Variants in SOBP observed in about 807,000 individuals in gnomAD.
SOBP encodes the protein sine oculis binding protein homolog.
Under a neutral mutation model 53.6 loss-of-function variants are expected in SOBP, and 4 were observed. The observed-to-expected ratio is 0.07, with a 90% CI of 0.04 to 0.17. The LOEUF (loss-of-function observed/expected upper bound fraction) is 0.17, where lower values mean the gene tolerates loss of function less well. SOBP is among the 10% of genes least tolerant of loss of function. The probability of loss-of-function intolerance (pLI) is 1.00; values close to 1 mark genes in which losing one functional copy is unlikely to be tolerated. For missense variants in SOBP, 1,088 were observed against 1,204.7 expected (o/e 0.90, Z 1.43); for synonymous variants, 584 against 522.6 (o/e 1.12, Z -1.60).
At chr6:107,553,083 A>G (rs904994088) in intron 4 of SOBP, among the ~76,000 whole-genome samples, 8 of 152,248 alleles carry the variant, frequency 5.3e-5, no homozygotes, top group African/African-American at 1.9e-4. Flanking sequence ...CCTGTTCCCC[A>G]AAAACCTATT....
At chr6:107,651,171 G>A (rs1345566175) in intron 6 of SOBP, among the ~76,000 whole-genome samples, 1 of 152,170 alleles carries the variant, frequency 6.6e-6, no homozygotes, top group Non-Finnish European at 1.5e-5. Flanking sequence ...GGAGGCTGAG[G>A]TGGGAGGATC....
At chr6:107,623,739 A>G (rs969831946) in intron 5 of SOBP, among the ~76,000 whole-genome samples, 1 of 152,214 alleles carries the variant, frequency 6.6e-6, no homozygotes, top group African/African-American at 2.4e-5. Context: ...GCTTACCCTC[A>G]AAAGACCTTG....
chr6:107,539,912 G>A (rs1427799412), intron 4 of SOBP, among the ~76,000 whole-genome samples: 1 of 152,162 alleles, frequency 6.6e-6, no homozygotes, highest in African/African-American at 2.4e-5. Flanking sequence ...CTTTGTGCCT[G>A]ACTTAAAAAG....
intron 4 of SOBP, among the ~76,000 whole-genome samples, chr6:107,558,461 G>A (rs1456232158): frequency 6.6e-6 from 1 of 151,888 alleles, no homozygotes; most frequent in Non-Finnish European, 1.5e-5. Flanking sequence ...TAGAGACGGG[G>A]GTTTCACCAT....
At chr6:107,542,949 A>C (rs1454282755) in intron 4 of SOBP, among the ~76,000 whole-genome samples, 1 of 152,154 alleles carries the variant, frequency 6.6e-6, no homozygotes, top group African/African-American at 2.4e-5. Context: ...AGAGACCTAC[A>C]GCATCCACGG....
chr6:107,507,424 G>A (rs1319904637), intron 3 of SOBP, among the ~76,000 whole-genome samples: 1 of 152,012 alleles, frequency 6.6e-6, no homozygotes, highest in African/African-American at 2.4e-5. Context: ...TCCTTCCTCA[G>A]CCTCTTGAGT....
chr6:107,591,336 T>A (rs1283370600), intron 5 of SOBP, among the ~76,000 whole-genome samples: 2 of 152,248 alleles, frequency 1.3e-5, no homozygotes, highest in Non-Finnish European at 2.9e-5. Context: ...GTTATTATCA[T>A]CTTCTTATAG....
intron 3 of SOBP, among the ~76,000 whole-genome samples, chr6:107,517,469 C>T (rs1237975313): frequency 6.6e-6 from 1 of 151,932 alleles, no homozygotes; most frequent in African/African-American, 2.4e-5. Flanking sequence ...GGCACTAATC[C>T]CACTGGACAA....
chr6:107,574,251 T>C (rs939829939), intron 4 of SOBP, among the ~76,000 whole-genome samples: 2 of 152,226 alleles, frequency 1.3e-5, no homozygotes, highest in African/African-American at 4.8e-5. Context: ...AAACATTGCC[T>C]GTTTTTATTA....
At chr6:107,579,652 C>T (rs1785342868) in intron 4 of SOBP, among the ~76,000 whole-genome samples, 1 of 152,206 alleles carries the variant, frequency 6.6e-6, no homozygotes, top group Admixed American at 6.5e-5. Context: ...GCCCCATAGC[C>T]TCACATGCGT....
rs1770846488 is a variant in SOBP at position 107,634,054 on chromosome 6, A to G, written c.1210A>G (p.Met404Val). ...GCCCATCTTCATGGAGCAGCAGATC[A>G]TGCAGCAGATCCGCCCGCCCTTCAT... ...PLPIFMEQQI[M>V]QQIRPPFIRG... Residue 404 changes from methionine to valine, a missense_variant, in exon 6 of 7, where the codon ATG becomes GTG. Met to Val is a conservative substitution (Grantham distance 21). Transcript: ENST00000317357. The surrounding 1 kb of genome is among the most constrained non-coding windows in gnomAD (Gnocchi z 4.5). 5.6e-6 allele frequency: 9 copies of G among 1,605,738 alleles called. No individual in the cohort carries two copies. The highest frequency in any genetic ancestry group is 3.4e-5 in the Admixed American group (2 of 59,654).
intron 6 of SOBP, among the ~76,000 whole-genome samples, chr6:107,638,244 T>A (rs1057283796): frequency 6.6e-6 from 1 of 152,194 alleles, no homozygotes; most frequent in Non-Finnish European, 1.5e-5. Context: ...AGAGTCTCAA[T>A]CTGTCACCCA....
intron 1 of SOBP, among the ~76,000 whole-genome samples, chr6:107,499,850 T>G (rs1327787715): frequency 6.6e-6 from 1 of 152,232 alleles, no homozygotes; most frequent in East Asian, 1.9e-4. Flanking sequence ...GTTTTATTAC[T>G]GAACATCCTT....
At chr6:107,496,994 A>G (rs1782718305) in intron 1 of SOBP, among the ~76,000 whole-genome samples, 1 of 152,198 alleles carries the variant, frequency 6.6e-6, no homozygotes, top group Non-Finnish European at 1.5e-5. Context: ...TAGAGCTAGA[A>G]ACTGACTTCT....
At chr6:107,506,526 G>A in intron 3 of SOBP, 99 bp downstream of exon 3, 1 of 1,306,610 alleles carries the variant, frequency 7.7e-7, no homozygotes, top group East Asian at 2.3e-5. Context: ...CTTTGGTAGA[G>A]GCTGTTTTAG....
chr6:107,585,347 A>G (rs1336186055), intron 4 of SOBP, among the ~76,000 whole-genome samples: 2 of 152,164 alleles, frequency 1.3e-5, no homozygotes. Flanking sequence ...GCATCTTCCT[A>G]CTTTCTTACA....
At chr6:107,622,894 C>G (rs1221581397) in intron 5 of SOBP, among the ~76,000 whole-genome samples, 2 of 152,122 alleles carry the variant, frequency 1.3e-5, no homozygotes, top group Non-Finnish European at 2.9e-5. Context: ...ATCTTGTTAT[C>G]TACTAAAAAT....
At chr6:107,559,072 T>A (rs550160224) in intron 4 of SOBP, among the ~76,000 whole-genome samples, 1 of 152,272 alleles carries the variant, frequency 6.6e-6, no homozygotes, top group Admixed American at 6.5e-5. Flanking sequence ...TCTTGATAAG[T>A]ATTTGCTGAA....
At chr6:107,491,808 C>T (rs1330475391) in intron 1 of SOBP, among the ~76,000 whole-genome samples, 1 of 152,172 alleles carries the variant, frequency 6.6e-6, no homozygotes, top group Non-Finnish European at 1.5e-5. Flanking sequence ...AGTTTTGGTT[C>T]AGTTTGTATT....
Sources: allele counts gnomAD v4.1 joint callset (sites outside exome capture counted in the v4.1 genomes callset), GRCh38; gene constraint gnomAD v4.1.1; non-coding constraint Gnocchi (gnomAD v3.1); transcripts MANE v1.5; gene names NCBI Gene and HGNC (gene_info 2026-07-23, HGNC 2026-07-21).